Variants in DLC1 observed in about 807,000 individuals in gnomAD.
DLC1 encodes the protein DLC1 Rho GTPase activating protein, also known as rho GTPase-activating protein 7.
DLC1 carries 54 observed loss-of-function variants against 140.3 expected under a neutral mutation model. The observed-to-expected ratio is 0.38, with a 90% CI of 0.31 to 0.48. DLC1 has a LOEUF of 0.48. DLC1 is among the 20% of genes least tolerant of loss of function. DLC1 has a pLI of 0.96. For synonymous variants in DLC1, 986 were observed against 728.1 expected, an observed-to-expected ratio of 1.35 and a Z score of -5.70; for missense variants, 2,536 against 1,907.0, an observed-to-expected ratio of 1.33 and a Z score of -6.14.
intron 5 of DLC1, among the ~76,000 whole-genome samples, chr8:13,272,831 G>A (rs1374192646): frequency 2.0e-5 from 3 of 152,178 alleles, no homozygotes; most frequent in African/African-American, 4.8e-5. Context: ...CCGAGATCGC[G>A]CCACTGCATT....
chr8:13,128,345 A>T (rs1821762918), intron 5 of DLC1, among the ~76,000 whole-genome samples: 1 of 152,210 alleles, frequency 6.6e-6, no homozygotes, highest in Admixed American at 6.5e-5. Flanking sequence ...CAAATGTTAA[A>T]GACAGAGCCC....
chr8:13,100,605 G>GGCT lies in DLC1; in HGVS notation c.1729_1731dup (p.Ser577dup), dbSNP rs1563597408. 1.2e-6 allele frequency: 2 copies of GGCT among 1,613,960 alleles called. No homozygotes were observed. Among genetic ancestry groups the GGCT allele is most frequent in the Non-Finnish European group, 1.7e-6 (2 of 1,180,020 alleles). On this transcript the variant is annotated inframe_insertion, in exon 9 of 18. Coordinates refer to ENST00000276297, the MANE Select transcript of DLC1 (RefSeq NM_182643.3). Reference sequence around the variant, plus strand: ...CTGAGGTCCATCAGCGTGCCTCCGGGGCTGGGGCCGTCCTTCGGGTGGGAG... The same window carrying GGCT: ...CTGAGGTCCATCAGCGTGCCTCCGGGGCTGCTGGGGCCGTCCTTCGGGTGGGAG...
intron 2 of DLC1, among the ~76,000 whole-genome samples, chr8:13,471,339 A>G (rs1414299966): frequency 6.6e-6 from 1 of 152,110 alleles, no homozygotes; most frequent in Non-Finnish European, 1.5e-5. Flanking sequence ...TGGTAACTAT[A>G]TAAGGTGATG....
chr8:13,168,386 C>T (rs1825239863), intron 5 of DLC1, among the ~76,000 whole-genome samples: 1 of 152,178 alleles, frequency 6.6e-6, no homozygotes, highest in Non-Finnish European at 1.5e-5. Flanking sequence ...TTCAGTTCCT[C>T]ATATCATCAT....
intron 2 of DLC1, among the ~76,000 whole-genome samples, chr8:13,443,657 C>CAAAAAA (rs11321891): frequency 4.5e-4 from 29 of 64,384 alleles, no homozygotes; most frequent in South Asian, 1.1e-3. Context: ...GACTCCGTCT[C>CAAAAAA]AAAAAAAAAA....
At chr8:13,583,897 TATTGGATAAAC>T (rs1805208294) in intron 1 of DLC1, 2 of 152,208 alleles carry the variant, frequency 1.3e-5, no homozygotes, top group Non-Finnish European at 2.9e-5. Flanking sequence ...CTGGCTGGCT[TATTGGATAAAC>T]ATGCACTGGA....
chr8:13,187,958 C>G (rs772969565), intron 5 of DLC1, among the ~76,000 whole-genome samples: 21 of 152,088 alleles, frequency 1.4e-4, no homozygotes, highest in Non-Finnish European at 2.4e-4. Context: ...TGCTCTCCTT[C>G]TCTTTTCCTC....
chr8:13,591,228 G>A (rs543593601), intron 1 of DLC1, among the ~76,000 whole-genome samples: 2 of 152,214 alleles, frequency 1.3e-5, no homozygotes, highest in East Asian at 1.9e-4. Flanking sequence ...TTTATTGCAA[G>A]GAGGGTGATA....
At chr8:13,589,143 T>G (rs1056575939) in intron 1 of DLC1, among the ~76,000 whole-genome samples, 1 of 152,102 alleles carries the variant, frequency 6.6e-6, no homozygotes, top group African/African-American at 2.4e-5. Flanking sequence ...ATATTCTTCA[T>G]TAGGCTATCC....
intron 5 of DLC1, among the ~76,000 whole-genome samples, chr8:13,298,044 C>A (rs1450184046): frequency 6.6e-6 from 1 of 152,112 alleles, no homozygotes; most frequent in Non-Finnish European, 1.5e-5. Flanking sequence ...GCATTTGTCA[C>A]AAAGAAGTGT....
chr8:13,546,302 C>T (rs1350169260), intron 1 of DLC1, among the ~76,000 whole-genome samples: 4 of 151,932 alleles, frequency 2.6e-5, no homozygotes, highest in Admixed American at 6.6e-5. Flanking sequence ...ACCAAGATTT[C>T]GGTAATTTGT....
intron 2 of DLC1, among the ~76,000 whole-genome samples, chr8:13,440,254 A>G (rs1055955713): frequency 6.6e-6 from 1 of 152,208 alleles, no homozygotes; most frequent in Admixed American, 6.5e-5. Context: ...GAGAGAAACA[A>G]TGAAATCCTA....
At chr8:13,276,281 A>G (rs2117404670) in intron 5 of DLC1, 1 of 1,534,672 alleles carries the variant, frequency 6.5e-7, no homozygotes, top group South Asian at 1.2e-5. Context: ...GTCTGTCTCT[A>G]GTGTTTTTCC....
At chr8:13,302,964 T>A (rs1015695296) in intron 5 of DLC1, among the ~76,000 whole-genome samples, 2 of 152,232 alleles carry the variant, frequency 1.3e-5, no homozygotes, top group East Asian at 1.9e-4. Flanking sequence ...CTTAGACTGT[T>A]ATGGTACTTA....
At chr8:13,412,959 G>A (rs921249043) in intron 2 of DLC1, among the ~76,000 whole-genome samples, 4 of 146,650 alleles carry the variant, frequency 2.7e-5, no homozygotes, top group East Asian at 4.0e-4. Flanking sequence ...AAAAAATGCC[G>A]GTTTGAATGG....
At chr8:13,232,615 GC>G (rs1829101962) in intron 5 of DLC1, among the ~76,000 whole-genome samples, 1 of 152,194 alleles carries the variant, frequency 6.6e-6, no homozygotes, top group African/African-American at 2.4e-5. Flanking sequence ...ACAGGCATGA[GC>G]CACGGTGCCC....
intron 5 of DLC1, among the ~76,000 whole-genome samples, chr8:13,159,658 C>T (rs548174931): frequency 1.3e-5 from 2 of 152,210 alleles, no homozygotes; most frequent in Admixed American, 1.3e-4. Context: ...ACAGGTACTA[C>T]AGAACAGAGC....
At chr8:13,603,629 A>G (rs1413920442) in intron 1 of DLC1, among the ~76,000 whole-genome samples, 1 of 152,194 alleles carries the variant, frequency 6.6e-6, no homozygotes, top group South Asian at 2.1e-4. Flanking sequence ...AAATCTCCCC[A>G]GTATAAACGT....
At chr8:13,474,298 G>A (rs554909741) in intron 2 of DLC1, among the ~76,000 whole-genome samples, 4 of 152,300 alleles carry the variant, frequency 2.6e-5, no homozygotes, top group African/African-American at 9.6e-5. Flanking sequence ...TGGGTGTGCA[G>A]AAGTCAAGAA....
Sources: allele counts gnomAD v4.1 joint callset (sites outside exome capture counted in the v4.1 genomes callset), GRCh38; gene constraint gnomAD v4.1.1; transcripts MANE v1.5; gene names NCBI Gene and HGNC (gene_info 2026-07-23, HGNC 2026-07-21).